OSR1: variants seen among roughly 807,000 people sequenced by gnomAD.
The protein encoded by OSR1 is odd-skipped related transcription factor 1.
OSR1 carries 3 observed loss-of-function variants against 15.7 expected under a neutral mutation model. The observed-to-expected ratio is 0.19, with a 90% CI of 0.09 to 0.50. The LOEUF is 0.50. OSR1 is among the 20% of genes least tolerant of loss of function. The probability of loss-of-function intolerance (pLI) is 0.97; values close to 1 mark genes in which losing one functional copy is unlikely to be tolerated. For synonymous variants in OSR1, 166 were observed against 152.7 expected, an observed-to-expected ratio of 1.09 and a Z score of -0.64; for missense variants, 271 against 351.1, an observed-to-expected ratio of 0.77 and a Z score of 1.82.
At chr2:19,345,447 T>G in the OSR1 span, among the ~76,000 whole-genome samples, 1 of 152,120 alleles carries the variant, frequency 6.6e-6, no homozygotes, top group Admixed American at 6.5e-5. Context: ...GTCTAACGTT[T>G]AAGTCTTTAA....
downstream of OSR1, among the ~76,000 whole-genome samples, chr2:19,347,191 A>C (rs1372040537): frequency 6.6e-6 from 1 of 152,172 alleles, no homozygotes; most frequent in Non-Finnish European, 1.5e-5. Flanking sequence ...GCTACGTCAA[A>C]ATGCTGAGAG....
downstream of OSR1, among the ~76,000 whole-genome samples, chr2:19,350,054 C>CCGCG (rs1321676374): frequency 6.6e-6 from 1 of 152,176 alleles, no homozygotes; most frequent in Non-Finnish European, 1.5e-5. Flanking sequence ...TAATCCTGGG[C>CCGCG]CGCGCGCGAC....
downstream of OSR1, among the ~76,000 whole-genome samples, chr2:19,347,870 G>C (rs532452009): frequency 2.6e-5 from 4 of 152,352 alleles, no homozygotes; most frequent in Admixed American, 1.3e-4. Flanking sequence ...CCACTTTCTC[G>C]TCTGCATTTT....
rs759056843 is a variant in OSR1, at chr2:19,353,218, C to T, written c.588G>A (p.Thr196=). The change falls in exon 2 of 3, where the codon ACG becomes ACA. Residue 196 remains threonine (T), a synonymous_variant. Coordinates refer to ENST00000272223, the MANE Select transcript of OSR1 (RefSeq NM_145260.3). The stretch of plus-strand genomic sequence containing the variant: ...AGGTGTAGGGCCGCTCGTCGGTGTG[C>T]GTCCGCTCATGGATAAGTAGGTTGT... The part of the protein sequence containing the change: ...KSYNLLIHER[T]HTDERPYTCD... 6 of 1,614,086 alleles carry T rather than the reference C, an allele frequency of 3.7e-6. No homozygotes were observed. Among genetic ancestry groups the T allele is most frequent in the African/African-American group, 1.3e-5 (1 of 74,924 alleles).
At chr2:19,350,307 G>C (rs976865136), downstream of OSR1, among the ~76,000 whole-genome samples, 2 of 152,160 alleles carry the variant, frequency 1.3e-5, no homozygotes, top group African/African-American at 2.4e-5. Context: ...GGCTCTGAGC[G>C]TGGAGGCCAG....
rs975152724 is a variant in OSR1, at chr2:19,353,403, C to A, written c.403G>T (p.Gly135Cys). 1.2e-6 allele frequency: 2 copies of A among 1,614,042 alleles called. No individual in the cohort carries two copies. The highest frequency in any genetic ancestry group is 1.7e-6 in the Non-Finnish European group (2 of 1,180,012). The change falls in exon 2 of 3, where the codon GGT becomes TGT. Residue 135 changes from glycine to cysteine, a missense_variant. Gly to Cys is a radical substitution (Grantham distance 159, BLOSUM62 -3). This residue lies in a region of OSR1 where 210 missense variants were observed against 218.4 expected (regional missense o/e 0.96). Transcript: ENST00000272223. ...GGGGAGCCTGGGCCCTCCCCGCGAC[C>A]GAGCTTGGCCGGATCTTCTTGCGTT... ...AATQEDPAKL[G>C]RGEGPGSPAG...
At chr2:19,345,103 G>C in the OSR1 span, among the ~76,000 whole-genome samples, 1 of 152,068 alleles carries the variant, frequency 6.6e-6, no homozygotes, top group African/African-American at 2.4e-5. Flanking sequence ...ATAAGAAAAT[G>C]ACAGTTCCAC....
At chr2:19,345,558 A>C in the OSR1 span, among the ~76,000 whole-genome samples, 1 of 152,230 alleles carries the variant, frequency 6.6e-6, no homozygotes, top group East Asian at 1.9e-4. Flanking sequence ...TATTAAAAAG[A>C]ATATAGAAGA....
chr2:19,348,202 G>A (rs1267540876), downstream of OSR1, among the ~76,000 whole-genome samples: 1 of 152,128 alleles, frequency 6.6e-6, no homozygotes, highest in Non-Finnish European at 1.5e-5. Flanking sequence ...TTCAAGAAGA[G>A]GACGCTGCAG....
chr2:19,348,181 T>A (rs993963865), downstream of OSR1, among the ~76,000 whole-genome samples: 3 of 152,054 alleles, frequency 2.0e-5, no homozygotes, highest in Non-Finnish European at 2.9e-5. Context: ...GAGACCACTC[T>A]AAACCACTGA....
In OSR1 at chr2:19,351,887, CAG is replaced by C. The variant is rs1294825602; in HGVS notation, c.*386_*387del. On this transcript the variant is annotated 3_prime_UTR_variant, in exon 3 of 3. Coordinates refer to ENST00000272223, the MANE Select transcript of OSR1 (RefSeq NM_145260.3). ...CCTCTCTCCACTCACTCTCCGCAGT[CAG>C]AGTTACAAGCTTATATGGTCAAAGA... The C allele has an allele frequency of 6.2e-6, 1 of 161,382 alleles. No homozygotes were observed. The highest frequency in any genetic ancestry group is 1.4e-5 in the Non-Finnish European group (1 of 73,634). The allele number at this position is 161,382 out of a possible 1,614,324, so 10.0% of individuals were successfully genotyped here.
Position 19,353,490 on chromosome 2 carries a change from C to T in OSR1, c.316G>A (p.Gly106Ser), listed in dbSNP as rs1664882913. 2 of 1,614,108 alleles carry T rather than the reference C, an allele frequency of 1.2e-6. No homozygotes were observed. The highest frequency in any genetic ancestry group is 8.5e-7 in the Non-Finnish European group (1 of 1,180,034). ...TTGGTCTTGAGCGCTGGAACGCTGCCTCCAGCGGTGATCTCGGGCTTGGGT... is the reference window on the plus strand; with the variant it reads ...TTGGTCTTGAGCGCTGGAACGCTGCTTCCAGCGGTGATCTCGGGCTTGGGT... ...IQPKPEITAG[G>S]SVPALKTKPR... is the part of the protein sequence containing the mutation. The change falls in exon 2 of 3, where the codon GGC (glycine) becomes AGC (serine). Residue 106 changes from glycine (G) to serine (S), a missense_variant. Physicochemically the swap from Gly to Ser is moderately conservative, Grantham distance 56. Coordinates refer to ENST00000272223, the MANE Select transcript of OSR1 (RefSeq NM_145260.3).
the OSR1 span, among the ~76,000 whole-genome samples, chr2:19,346,245 A>C: frequency 2.0e-5 from 3 of 152,208 alleles, no homozygotes; most frequent in African/African-American, 7.2e-5. Flanking sequence ...GGGAAACAAA[A>C]ACTTTCAACT....
chr2:19,353,336 G>A lies in OSR1; in HGVS notation c.470C>T (p.Ser157Phe). The change falls in exon 2 of 3, where the codon TCT becomes TTT. Residue 157 changes from serine to phenylalanine, a missense_variant. By Grantham distance (155) the Ser-to-Phe change is radical. Coordinates refer to ENST00000272223, the MANE Select transcript of OSR1 (RefSeq NM_145260.3). The stretch of plus-strand genomic sequence containing the variant: ...TCCCCTTGTGGGCTTCTTTTCTGGA[G>A]ACAGCTTGGTCACGTCGAGGAGGGC... ...LGALLDVTKL[S>F]PEKKPTRGRL... 3.1e-6 allele frequency: 5 copies of A among 1,614,262 alleles called. No homozygotes were observed. The highest frequency in any genetic ancestry group is 1.1e-5 in the South Asian group (1 of 91,090).
At chr2:19,349,393 CAGT>C (rs1301299539), downstream of OSR1, among the ~76,000 whole-genome samples, 1 of 152,170 alleles carries the variant, frequency 6.6e-6, no homozygotes, top group Non-Finnish European at 1.5e-5. Flanking sequence ...CAGCAAACAT[CAGT>C]AGAGCAAATA....
chr2:19,345,520 A>G, the OSR1 span, among the ~76,000 whole-genome samples: 1 of 152,126 alleles, frequency 6.6e-6, no homozygotes, highest in African/African-American at 2.4e-5. Context: ...CTTTCTACAT[A>G]TGGCTAGCCA....
At chr2:19,350,180 C>T (rs1477960944), downstream of OSR1, among the ~76,000 whole-genome samples, 1 of 152,196 alleles carries the variant, frequency 6.6e-6, no homozygotes, top group African/African-American at 2.4e-5. Context: ...TGGGGCCAGT[C>T]AAGATTTTGG....
At chr2:19,349,618 C>T (rs1664796218), downstream of OSR1, among the ~76,000 whole-genome samples, 1 of 152,174 alleles carries the variant, frequency 6.6e-6, no homozygotes, top group African/African-American at 2.4e-5. Context: ...GGCAAACCTC[C>T]CCATTTCACC....
chr2:19,349,784 G>C (rs1664800313), downstream of OSR1, among the ~76,000 whole-genome samples: 1 of 149,370 alleles, frequency 6.7e-6, no homozygotes, highest in Non-Finnish European at 1.5e-5. Flanking sequence ...CAAGGGACTA[G>C]GAAGGGCACC....
Sources: gnomAD v4.1 joint callset for allele counts (sites outside exome capture counted in the v4.1 genomes callset) on GRCh38, gnomAD v4.1.1 for gene constraint, gnomAD v4.1.1 regional missense constraint, MANE v1.5 for transcripts, NCBI Gene and HGNC (gene_info 2026-07-23, HGNC 2026-07-21) for gene names.